Variants in TYW3 observed in about 807,000 individuals in gnomAD.
The protein encoded by TYW3 is tRNA wybutosine-synthesizing protein 3 homolog.
TYW3 carries 26 observed loss-of-function variants against 23.1 expected under a neutral mutation model. That is an observed-to-expected ratio of 1.13 (90% CI 0.83 to 1.56). The LOEUF (loss-of-function observed/expected upper bound fraction) is 1.56, where lower values mean the gene tolerates loss of function less well. TYW3 is among the 40% of genes most tolerant of loss of function. TYW3 has a pLI of 0.00. For missense variants in TYW3, 316 were observed against 311.9 expected, an observed-to-expected ratio of 1.01 and a Z score of -0.10; for synonymous variants, 102 against 105.7, an observed-to-expected ratio of 0.97 and a Z score of 0.21.
chr1:74,736,515 CTT>C (rs1648158013), intron 1 of TYW3, 25 bp from the exon 2 acceptor site: 1 of 1,525,010 alleles, frequency 6.6e-7, no homozygotes, highest in Non-Finnish European at 8.9e-7. Context: ...TTATATGAAA[CTT>C]AAATTATGTT....
intron 3 of TYW3, among the ~76,000 whole-genome samples, chr1:74,748,019 G>A (rs755955089): frequency 6.6e-6 from 1 of 152,148 alleles, no homozygotes; most frequent in Non-Finnish European, 1.5e-5. Context: ...GGCACAGCTG[G>A]CATTTCAGGT....
intron 3 of TYW3, among the ~76,000 whole-genome samples, chr1:74,745,205 G>C (rs553959042): frequency 8.0e-4 from 122 of 152,336 alleles, no homozygotes; most frequent in African/African-American, 2.8e-3. Context: ...AGGGTAGTGT[G>C]GGCCCAAAGA....
intron 4 of TYW3, among the ~76,000 whole-genome samples, chr1:74,750,800 C>CTTTTTTTTTTT (rs34468239): frequency 1.5e-5 from 1 of 67,680 alleles, no homozygotes; most frequent in Non-Finnish European, 2.6e-5. Context: ...TCCCCCGCTC[C>CTTTTTTTTTTT]TTTTTTTTTT....
intron 5 of TYW3, among the ~76,000 whole-genome samples, chr1:74,753,447 C>T (rs1648857032): frequency 6.6e-6 from 1 of 152,152 alleles, no homozygotes; most frequent in South Asian, 2.1e-4. Context: ...TTTTTTGAAG[C>T]ATTGAAGGCC....
At chr1:74,746,884 A>G (rs1466918530) in intron 3 of TYW3, among the ~76,000 whole-genome samples, 1 of 152,206 alleles carries the variant, frequency 6.6e-6, no homozygotes, top group Non-Finnish European at 1.5e-5. Context: ...TTGAATGGAA[A>G]CAGGATGAAT....
intron 1 of TYW3, chr1:74,736,213 G>A (rs1402974770): frequency 1.2e-5 from 2 of 171,996 alleles, no homozygotes; most frequent in Non-Finnish European, 2.5e-5. Context: ...TTTAAATACT[G>A]TGCTAGCCAA....
rs1287313794 is a variant in TYW3 at position 74,738,578 on chromosome 1, A to G, written c.256-112A>G. On this transcript the variant is annotated intron_variant, in intron 2 of 5. Coordinates refer to ENST00000370867, the MANE Select transcript of TYW3 (RefSeq NM_138467.3). ...AGGGAAAAGTTACTGCAGAAAAAAT[A>G]TGCTGAGTGATTCTGAAAATTTCTA... 6 of 597,854 alleles carry G rather than the reference A, an allele frequency of 1.0e-5. No homozygotes were observed. In the East Asian group the frequency reaches 1.9e-4, roughly 19 times the overall value. 37.0% of individuals were successfully genotyped at this position (597,854 alleles called of 1,614,324 possible).
In TYW3 at chr1:74,733,237, C is replaced by T. The variant is rs1314467960; in HGVS notation, c.-8C>T. 2.5e-6 allele frequency: 4 copies of T among 1,613,570 alleles called. No individual in the cohort carries two copies. Among genetic ancestry groups the T allele is most frequent in the Non-Finnish European group, 2.5e-6 (3 of 1,179,750 alleles). ...AGGAGCCGAGCGCAGACCCTGAGTCCGTCACCCATGGATCGCAGCGCGGAG... is the reference window on the plus strand; with the variant it reads ...AGGAGCCGAGCGCAGACCCTGAGTCTGTCACCCATGGATCGCAGCGCGGAG... On this transcript the variant is annotated 5_prime_UTR_variant, in exon 1 of 6. Transcript: ENST00000370867.
At chr1:74,754,411 T>G (rs1260501699) in intron 5 of TYW3, among the ~76,000 whole-genome samples, 1 of 152,222 alleles carries the variant, frequency 6.6e-6, no homozygotes, top group Admixed American at 6.5e-5. Flanking sequence ...CTTAAGATAC[T>G]GATTAGAAGA....
rs148351694 is a variant in TYW3 at position 74,756,316 on chromosome 1, A to G, written c.560+3891A>G. The stretch of plus-strand genomic sequence containing the variant: ...CAGAAGAAGACAGGAAAATGTGGGA[A>G]AGTTTGGAACTTCCTAGAGACTTGT... On this transcript the variant is annotated intron_variant, in intron 5 of 5. Transcript: ENST00000370867. Among the ~76,000 whole-genome samples the G allele has an allele frequency of 6.8e-3, 1,029 of 152,294 alleles. 8 individuals are homozygous for G. Among genetic ancestry groups the G allele is most frequent in the Admixed American group, 0.015 (235 of 15,300 alleles).
intron 3 of TYW3, among the ~76,000 whole-genome samples, chr1:74,743,158 G>A (rs957624754): frequency 5.9e-5 from 9 of 152,150 alleles, no homozygotes; most frequent in African/African-American, 7.2e-5. Flanking sequence ...CTTGTTTCTC[G>A]TTGGACAATC....
intron 4 of TYW3, among the ~76,000 whole-genome samples, chr1:74,751,661 ACT>A (rs995871371): frequency 7.9e-5 from 12 of 151,504 alleles, no homozygotes; most frequent in African/African-American, 2.7e-4. Flanking sequence ...CAAGAGTGAA[ACT>A]CTGTCTGAAA....
chr1:74,737,579 G>T (rs552524667), intron 2 of TYW3, among the ~76,000 whole-genome samples: 1 of 152,146 alleles, frequency 6.6e-6, no homozygotes, highest in Non-Finnish European at 1.5e-5. Flanking sequence ...GAAATCAAAT[G>T]GTGTGAAGGC....
At chr1:74,739,550 A>G (rs948838461) in intron 3 of TYW3, among the ~76,000 whole-genome samples, 1 of 152,252 alleles carries the variant, frequency 6.6e-6, no homozygotes, top group African/African-American at 2.4e-5. Context: ...TTCCATGAAG[A>G]TGGAAAAGTA....
Position 74,764,211 on chromosome 1 carries a change from T to C in TYW3, c.*98T>C. On this transcript the variant is annotated 3_prime_UTR_variant, in exon 6 of 6. Coordinates refer to ENST00000370867, the MANE Select transcript of TYW3 (RefSeq NM_138467.3). ...TTAGTTTGTTGAGTGTATCAGCCAT[T>C]CATAAGCCAGTAATGACAAGTGCAG... 9.3e-7 allele frequency: 1 copy of C among 1,070,768 alleles called. No homozygotes were observed. The highest frequency in any genetic ancestry group is 1.3e-6 in the Non-Finnish European group (1 of 741,806). 66.3% of individuals were successfully genotyped at this position (1,070,768 alleles called of 1,614,324 possible).
chr1:74,760,423 C>A (rs1207401295), intron 5 of TYW3, among the ~76,000 whole-genome samples: 3 of 152,176 alleles, frequency 2.0e-5, no homozygotes, highest in African/African-American at 7.2e-5. Flanking sequence ...ATTTTATTTT[C>A]TAGTAGTGTT....
At position 74,765,222 on chromosome 1, in the gene TYW3, T is replaced by C. The variant is rs963734725; in HGVS notation, c.*1109T>C. 1 of 147,518 alleles carries C rather than the reference T, an allele frequency of 6.8e-6. No individual in the cohort carries two copies. The highest frequency in any genetic ancestry group is 2.5e-5 in the African/African-American group (1 of 40,602). 9.1% of individuals were successfully genotyped at this position (147,518 alleles called of 1,614,324 possible). On this transcript the variant is annotated 3_prime_UTR_variant, in exon 6 of 6. Coordinates refer to ENST00000370867, the MANE Select transcript of TYW3 (RefSeq NM_138467.3). ...CAGCATTTGAGGAGGAATTGAAGATTTTTCTAATGAAAAGAAAAAGGGTCA... is the reference window on the plus strand; with the variant it reads ...CAGCATTTGAGGAGGAATTGAAGATCTTTCTAATGAAAAGAAAAAGGGTCA...
chr1:74,763,832 T>A (rs927456198), intron 5 of TYW3, 62 bp from the exon 6 acceptor site: 1 of 1,292,118 alleles, frequency 7.7e-7, no homozygotes, highest in Admixed American at 2.3e-5. Flanking sequence ...AAGCTCTTGG[T>A]GTATTTCAGT....
Position 74,738,767 on chromosome 1 carries a change from A to G in TYW3, c.333A>G (p.Gln111=), listed in dbSNP as rs1648245943. The G allele has an allele frequency of 1.2e-6, 2 of 1,610,600 alleles. No individual in the cohort carries two copies. Among genetic ancestry groups the G allele is most frequent in the Non-Finnish European group, 1.7e-6 (2 of 1,177,354 alleles). The change falls in exon 3 of 6, where the codon CAA becomes CAG. Residue 111 remains glutamine (Q), a synonymous_variant. Coordinates refer to ENST00000370867, the MANE Select transcript of TYW3 (RefSeq NM_138467.3). ...TTGTTCTTCATGTGCAGTGTCGACA[A>G]TTGCAGGATGCACAGATTCTGGTAA... ...EPFVLHVQCR[Q]LQDAQILHSM... is the part of the protein sequence containing the mutation.
Sources: gnomAD v4.1 joint callset for allele counts (sites outside exome capture counted in the v4.1 genomes callset) on GRCh38, gnomAD v4.1.1 for gene constraint, MANE v1.5 for transcripts, NCBI Gene and HGNC (gene_info 2026-07-23, HGNC 2026-07-21) for gene names.